Variants in UBA1 observed in about 807,000 individuals in gnomAD.
UBA1 encodes the protein ubiquitin like modifier activating enzyme 1, also known as ubiquitin-like modifier-activating enzyme 1.
A neutral mutation model predicts 84.7 loss-of-function variants in UBA1; 4 were observed. That is an observed-to-expected ratio of 0.05 (90% CI 0.02 to 0.11). The LOEUF (loss-of-function observed/expected upper bound fraction) is 0.11, where lower values mean the gene tolerates loss of function less well. UBA1 is among the 10% of genes least tolerant of loss of function. The probability of loss-of-function intolerance (pLI) is 1.00; values close to 1 mark genes in which losing one functional copy is unlikely to be tolerated. For synonymous variants in UBA1, 364 were observed against 362.6 expected, an observed-to-expected ratio of 1.00 and a Z score of -0.04; for missense variants, 513 against 902.8, an observed-to-expected ratio of 0.57 and a Z score of 5.53.
chrX:47,210,437 C>T (rs1936870523), intron 18 of UBA1, among the ~76,000 whole-genome samples: 1 of 111,998 alleles, frequency 8.9e-6, no homozygotes, highest in Non-Finnish European at 1.9e-5. Context: ...CCAAACTCTA[C>T]TTGAACTTAG....
intron 20 of UBA1, among the ~76,000 whole-genome samples, chrX:47,212,170 A>G (rs901112115): frequency 9.2e-6 from 1 of 109,173 alleles, no homozygotes; most frequent in Non-Finnish European, 1.9e-5. Flanking sequence ...ACTTTCTCCT[A>G]ACATTTTCAT....
chrX:47,209,094 C>A (rs1326175882), intron 16 of UBA1: 1 of 147,528 alleles, frequency 6.8e-6, no homozygotes, highest in Non-Finnish European at 1.3e-5. Flanking sequence ...TTGTCTCAAA[C>A]AACAAAACAA....
chrX:47,199,137 G>A, intron 3 of UBA1, 31 bp downstream of exon 3: 3 of 1,212,364 alleles, frequency 2.5e-6, no homozygotes, highest in Non-Finnish European at 3.3e-6. Flanking sequence ...GCTGAGGGGT[G>A]TGGAATGGGA....
Position 47,203,040 on chromosome X carries a change from G to T in UBA1, c.1331G>T (p.Cys444Phe). ...EDKEVLTEDK[C>F]LQRQNRYDGQ... The stretch of plus-strand genomic sequence containing the variant: ...AAAGAGGTCCTCACAGAGGACAAGT[G>T]CCTCCAGGTATGTGGGTGGGACCTG... The change falls in exon 12 of 26, where the codon TGC becomes TTC. Residue 444 changes from cysteine to phenylalanine, a missense_variant. Around this residue, in one of 6 missense-constraint regions of UBA1, gnomAD observed 227 missense variants for 339.1 expected, o/e 0.67. Transcript: ENST00000335972. 1 of 1,209,533 alleles carries T rather than the reference G, an allele frequency of 8.3e-7. No individual in the cohort carries two copies. Among genetic ancestry groups the T allele is most frequent in the Non-Finnish European group, 1.1e-6 (1 of 893,223 alleles).
chrX:47,198,926 G>T lies in UBA1; in HGVS notation c.117+7G>T. 2 of 1,209,380 alleles carry T rather than the reference G, an allele frequency of 1.7e-6. No homozygotes were observed. The highest frequency in any genetic ancestry group is 1.8e-5 in the South Asian group (1 of 56,989). ...GCCCTCGGTGCCAACCAACGTGAGTGTCCTCTCCGTGGAGACTGGCAGACG... is the reference window on the plus strand; with the variant it reads ...GCCCTCGGTGCCAACCAACGTGAGTTTCCTCTCCGTGGAGACTGGCAGACG... On this transcript the variant is annotated splice_region_variant and intron_variant, in intron 2 of 25. Transcript: ENST00000335972.
In UBA1 at chrX:47,205,583, C is replaced by T. The variant is rs1316988650; in HGVS notation, c.1576-365C>T. 3.7e-5 allele frequency: 13 copies of T among 351,053 alleles called. No individual in the cohort carries two copies. In the Admixed American group the frequency reaches 4.1e-4, roughly 11 times the overall value. The allele number at this position is 351,053 out of a possible 1,213,427, so 28.9% of individuals were successfully genotyped here. On this transcript the variant is annotated intron_variant, in intron 14 of 25. Coordinates refer to ENST00000335972, the MANE Select transcript of UBA1 (RefSeq NM_003334.4). ...AGACAGCCCTTTATAGGTGTTTGGGCCAGGTGCGGTGGCTCACGCCTGTAA... is the reference window on the plus strand; with the variant it reads ...AGACAGCCCTTTATAGGTGTTTGGGTCAGGTGCGGTGGCTCACGCCTGTAA...
rs1556787692 is a variant in UBA1, at chrX:47,200,986, G to A, written c.573G>A (p.Thr191=). 3.3e-6 allele frequency: 4 copies of A among 1,197,756 alleles called. No homozygotes were observed. Among genetic ancestry groups the A allele is most frequent in the Non-Finnish European group, 3.4e-6 (3 of 888,485 alleles). ...GCATCAAGCTGGTGGTGGCAGACAC[G>A]CGGGGCCTGTTTGGGTGAGTGGCAG... ...NRGIKLVVAD[T]RGLFGQLFCD... Residue 191 remains threonine, a synonymous_variant, in exon 6 of 26, where the codon ACG becomes ACA. Transcript: ENST00000335972.
At chrX:47,212,272 TCTC>T (rs1422396542) in intron 20 of UBA1, 149 bp from the exon 21 acceptor site, 9 of 482,073 alleles carry the variant, frequency 1.9e-5, no homozygotes, top group Non-Finnish European at 3.4e-5. Context: ...CTGCTCTACC[TCTC>T]CTCCTTGCCC....
chrX:47,206,229 C>T lies in UBA1; in HGVS notation c.1742-19C>T, dbSNP rs1186915714. 7.5e-6 allele frequency: 9 copies of T among 1,193,602 alleles called. No homozygotes were observed. The highest frequency in any genetic ancestry group is 3.7e-5 in the South Asian group (2 of 54,757). ...CTCCTGATGTTTCTTTCCTAGCTCTCGCTTTGTGCTCCCCACAGGCATGTA... is the reference window on the plus strand; with the variant it reads ...CTCCTGATGTTTCTTTCCTAGCTCTTGCTTTGTGCTCCCCACAGGCATGTA... On this transcript the variant is annotated intron_variant, in intron 15 of 25. Coordinates refer to ENST00000335972, the MANE Select transcript of UBA1 (RefSeq NM_003334.4).
intron 1 of UBA1, 125 bp from the exon 2 acceptor site, chrX:47,198,678 C>T (rs1484096325): frequency 1.5e-6 from 1 of 651,620 alleles, no homozygotes; most frequent in Admixed American, 2.6e-5. Context: ...CTGTGCCTGT[C>T]CCCTCTTTGC....
intron 16 of UBA1, 143 bp downstream of exon 16, chrX:47,206,587 C>T: frequency 5.1e-6 from 3 of 585,197 alleles, no homozygotes; most frequent in African/African-American, 4.4e-5. Context: ...TCCCTCACTT[C>T]CCACCAGGCA....
chrX:47,197,576 C>T, intron 1 of UBA1: 1 of 750,733 alleles, frequency 1.3e-6, no homozygotes, highest in Non-Finnish European at 1.6e-6. Context: ...CCATCTCCAG[C>T]ATGTGGACCC....
rs1442351137 is a variant in UBA1, at chrX:47,209,679, G to A, written c.1995G>A (p.Gln665=). 39 of 1,209,528 alleles carry A rather than the reference G, an allele frequency of 3.2e-5. No individual in the cohort carries two copies. Among genetic ancestry groups the A allele is most frequent in the Non-Finnish European group, 4.1e-5 (37 of 894,827 alleles). Residue 665 remains glutamine (Q), a synonymous_variant, in exon 17 of 26, where the codon CAG becomes CAA. Transcript: ENST00000335972. ...AGCAGCCAGCAGAAAATGTCAACCA[G>A]TACCTCACGTGAGTAACTCGAGTGC... ...LFKQPAENVN[Q]YLTDPKFVER... is the part of the protein sequence containing the mutation.
At chrX:47,214,723 C>T in intron 25 of UBA1, 71 bp from the exon 26 acceptor site, 1 of 1,199,047 alleles carries the variant, frequency 8.3e-7, no homozygotes. Flanking sequence ...AGTTCACTGC[C>T]CCTACCTACC....
chrX:47,213,111 A>G lies in UBA1; in HGVS notation c.2768A>G (p.Lys923Arg). 1 of 1,211,799 alleles carries G rather than the reference A, an allele frequency of 8.3e-7. No homozygotes were observed. The highest frequency in any genetic ancestry group is 1.1e-6 in the Non-Finnish European group (1 of 895,505). The change falls in exon 23 of 26, where the codon AAG (lysine) becomes AGG (arginine). Residue 923 changes from lysine to arginine, a missense_variant. Transcript: ENST00000335972. ...VQGHRQLDSY[K>R]NGFLNLALPF... ...GGGCACCGACAGCTTGACTCCTACA[A>G]GAATGGTTTCCTCAACTTGGCCCTG...
chrX:47,196,536 G>A (rs185342326), intron 1 of UBA1, among the ~76,000 whole-genome samples: 104 of 111,321 alleles, frequency 9.3e-4, no homozygotes, highest in Middle Eastern at 4.6e-3. Flanking sequence ...GTTATGGTGG[G>A]GGCCTGAGCA....
chrX:47,197,229 C>T (rs1002289023), intron 1 of UBA1: 25 of 755,068 alleles, frequency 3.3e-5, no homozygotes, highest in Non-Finnish European at 3.9e-5. Flanking sequence ...ATTTGGCAAA[C>T]AGTCCCCCAC....
At chrX:47,194,131 A>G (rs1936112619) in intron 1 of UBA1, 107 bp downstream of exon 1, 1 of 111,712 alleles carries the variant, frequency 9.0e-6, no homozygotes, top group East Asian at 2.8e-4. Flanking sequence ...GTGACTCGGG[A>G]GCCAGGAATC....
At chrX:47,202,841 T>C (rs782401798) in intron 11 of UBA1, 27 bp downstream of exon 11, 1 of 1,202,996 alleles carries the variant, frequency 8.3e-7, no homozygotes, top group South Asian at 1.8e-5. Flanking sequence ...AGAGGCAGGA[T>C]TGGGGTGGGC....
Sources: gnomAD v4.1 joint callset for allele counts (sites outside exome capture counted in the v4.1 genomes callset) on GRCh38, gnomAD v4.1.1 for gene constraint, gnomAD v4.1.1 regional missense constraint, MANE v1.5 for transcripts, NCBI Gene and HGNC (gene_info 2026-07-23, HGNC 2026-07-21) for gene names.